GFPT1: variants seen among roughly 807,000 people sequenced by gnomAD.
GFPT1 encodes the protein glutamine--fructose-6-phosphate aminotransferase [isomerizing] 1.
Under a neutral mutation model 92.0 loss-of-function variants are expected in GFPT1, and 40 were observed. That is an observed-to-expected ratio of 0.43 (90% CI 0.34 to 0.57). The LOEUF is 0.57. Among genes scored for constraint, GFPT1 ranks in the 20% least tolerant of loss-of-function variants. The pLI, the probability that GFPT1 is intolerant of heterozygous loss-of-function variation, is 0.02. For synonymous variants in GFPT1, 269 were observed against 280.6 expected, an observed-to-expected ratio of 0.96 and a Z score of 0.41; for missense variants, 448 against 869.1, an observed-to-expected ratio of 0.52 and a Z score of 6.09.
chr2:69,384,448 T>G (rs1293326731), intron 1 of GFPT1, among the ~76,000 whole-genome samples: 1 of 151,858 alleles, frequency 6.6e-6, no homozygotes, highest in African/African-American at 2.4e-5. Context: ...CCGGGTAAGG[T>G]GGCTCACTCC....
At chr2:69,386,230 T>A (rs1672125054) in intron 1 of GFPT1, among the ~76,000 whole-genome samples, 1 of 152,238 alleles carries the variant, frequency 6.6e-6, no homozygotes, top group Non-Finnish European at 1.5e-5. Context: ...AAACATGGAA[T>A]AAAAGGGCCT....
At chr2:69,359,769 A>C (rs1273257370) in intron 4 of GFPT1, among the ~76,000 whole-genome samples, 1 of 152,232 alleles carries the variant, frequency 6.6e-6, no homozygotes, top group African/African-American at 2.4e-5. Flanking sequence ...CTAAAACAAT[A>C]ATCTGATTTA....
chr2:69,342,074 A>G lies in GFPT1; in HGVS notation c.1203+78T>C, dbSNP rs1319469420. 3.6e-5 allele frequency: 28 copies of G among 777,088 alleles called. No homozygotes were observed. The East Asian group carries it at 6.4e-4, about 18-fold the overall frequency. 48.1% of individuals were successfully genotyped at this position (777,088 alleles called of 1,614,324 possible). On this transcript the variant is annotated intron_variant, in intron 13 of 19. Transcript: ENST00000357308. The stretch of plus-strand genomic sequence containing the variant: ...ACATTAACAAAACATAGTTTTACAC[A>G]GTATGTTATTAGACTACTACTTGGT...
rs907993991 is a variant in GFPT1, at chr2:69,321,210, T to C, written c.*4979A>G. ...CCCCGTAAACTTCCTATAAACAATA[T>C]GTTATTGCAAAATGTTTTAAAAGAT... On this transcript the variant is annotated 3_prime_UTR_variant, in exon 20 of 20. Transcript: ENST00000357308. The C allele has an allele frequency of 6.6e-6, 1 of 152,212 alleles. No individual in the cohort carries two copies. The highest frequency in any genetic ancestry group is 1.5e-5 in the Non-Finnish European group (1 of 68,034). 9.4% of individuals were successfully genotyped at this position (152,212 alleles called of 1,614,324 possible).
chr2:69,362,102 C>A (rs371932392), intron 4 of GFPT1, among the ~76,000 whole-genome samples: 30 of 152,024 alleles, frequency 2.0e-4, no homozygotes, highest in African/African-American at 7.2e-4. Context: ...GTGAATGTTA[C>A]CTACGAGGGG....
chr2:69,344,804 C>T lies in GFPT1; in HGVS notation c.1105+1100G>A, dbSNP rs111476470. Among the ~76,000 whole-genome samples, 615 of 151,966 alleles carry T rather than the reference C, an allele frequency of 4.0e-3. 5 individuals are homozygous for T. The highest frequency in any genetic ancestry group is 0.014 in the African/African-American group (585 of 41,450). Reference sequence around the variant, plus strand: ...GGCTACAGGCACCCACCACCACACCCAGCTAATTTTTTAAAAATTTTTAGT... The same window carrying T: ...GGCTACAGGCACCCACCACCACACCTAGCTAATTTTTTAAAAATTTTTAGT... On this transcript the variant is annotated intron_variant, in intron 12 of 19. Transcript: ENST00000357308.
intron 1 of GFPT1, among the ~76,000 whole-genome samples, chr2:69,380,599 T>G (rs911417354): frequency 6.6e-6 from 1 of 152,094 alleles, no homozygotes; most frequent in South Asian, 2.1e-4. Flanking sequence ...TCATCTTTCT[T>G]GAGAAAAAAA....
Position 69,370,087 on chromosome 2 carries a change from T to A in GFPT1, c.137A>T (p.Asn46Ile). 1 of 1,609,064 alleles carries A rather than the reference T, an allele frequency of 6.2e-7. No homozygotes were observed. The highest frequency in any genetic ancestry group is 8.5e-7 in the Non-Finnish European group (1 of 1,175,408). ...DSAGVGFDGGNDKDWEANACK... is the reference protein window; with the variant it reads ...DSAGVGFDGGIDKDWEANACK... ...GGCATTGGCTTCCCAATCTTTATCA[T>A]TGCCTCCATCAAATCCCACACCTAA... The change falls in exon 3 of 20, where the codon AAT becomes ATT. Residue 46 changes from asparagine (N) to isoleucine (I), a missense_variant. Physicochemically the swap from Asn to Ile is moderately radical, Grantham distance 149. Coordinates refer to ENST00000357308, the MANE Select transcript of GFPT1 (RefSeq NM_001244710.2).
intron 4 of GFPT1, among the ~76,000 whole-genome samples, chr2:69,360,264 G>C (rs890084147): frequency 6.7e-6 from 1 of 149,750 alleles, no homozygotes; most frequent in African/African-American, 2.5e-5. Flanking sequence ...GGGAGGCAGA[G>C]GTTGCAGTGA....
In GFPT1 at chr2:69,358,730, T is replaced by C. The variant is rs1435428734; in HGVS notation, c.409-267A>G. Among the ~76,000 whole-genome samples, 3 of 152,262 alleles carry C rather than the reference T, an allele frequency of 2.0e-5. No individual in the cohort carries two copies. In the East Asian group the frequency reaches 5.8e-4, roughly 29 times the overall value. On this transcript the variant is annotated intron_variant, in intron 5 of 19. Transcript: ENST00000357308. The stretch of plus-strand genomic sequence containing the variant: ...TCAATTTAATTAAAATTAAATAAAA[T>C]TTAAAATTCAGTTCCTCAGTCATAC...
chr2:69,328,865 T>C (rs1470871880), intron 17 of GFPT1, among the ~76,000 whole-genome samples: 1 of 152,122 alleles, frequency 6.6e-6, no homozygotes, highest in Non-Finnish European at 1.5e-5. Flanking sequence ...CACATCCAGC[T>C]AATGTTTTTG....
intron 1 of GFPT1, among the ~76,000 whole-genome samples, chr2:69,384,653 C>CGCT (rs1331318045): frequency 9.8e-5 from 13 of 132,346 alleles, no homozygotes; most frequent in African/African-American, 3.8e-4. Context: ...AAGATCATGC[C>CGCT]GCTGCACTCC....
At chr2:69,374,439 G>A (rs765649511) in intron 1 of GFPT1, among the ~76,000 whole-genome samples, 8 of 151,686 alleles carry the variant, frequency 5.3e-5, no homozygotes, top group African/African-American at 1.7e-4. Flanking sequence ...TCAGCCTCCC[G>A]AGTAGCTGGG....
At chr2:69,376,951 T>C (rs367608041) in intron 1 of GFPT1, among the ~76,000 whole-genome samples, 33 of 152,308 alleles carry the variant, frequency 2.2e-4, no homozygotes, top group African/African-American at 7.5e-4. Flanking sequence ...GGCTCACGCC[T>C]GTAATCCCAG....
At chr2:69,361,545 T>C (rs576654295) in intron 4 of GFPT1, among the ~76,000 whole-genome samples, 126 of 151,562 alleles carry the variant, frequency 8.3e-4, no homozygotes, top group African/African-American at 3.0e-3. Context: ...CAAAACATAA[T>C]CTAGATGTAA....
At position 69,332,404 on chromosome 2, in the gene GFPT1, C is replaced by G. The variant is rs933300293; in HGVS notation, c.1483-2606G>C. Among the ~76,000 whole-genome samples the G allele has an allele frequency of 2.2e-4, 33 of 151,572 alleles. 1 individual carries two copies. The highest frequency in any genetic ancestry group is 1.8e-3 in the Admixed American group (27 of 15,200). On this transcript the variant is annotated intron_variant, in intron 15 of 19. Coordinates refer to ENST00000357308, the MANE Select transcript of GFPT1 (RefSeq NM_001244710.2). Reference sequence around the variant, plus strand: ...CTTGGCTCACTGCAACCTCAGCCTCCTGGGTTCGCGTGATTCTCCTGCTTC... The same window carrying G: ...CTTGGCTCACTGCAACCTCAGCCTCGTGGGTTCGCGTGATTCTCCTGCTTC...
intron 4 of GFPT1, among the ~76,000 whole-genome samples, chr2:69,361,660 A>C (rs1671474954): frequency 6.6e-6 from 1 of 152,126 alleles, no homozygotes; most frequent in African/African-American, 2.4e-5. Flanking sequence ...AAGAAGCCTA[A>C]ATAGGCAGCT....
In GFPT1 at chr2:69,363,679, T is replaced by C. The variant is rs1207347337; in HGVS notation, c.224-9A>G. On this transcript the variant is annotated splice_polypyrimidine_tract_variant and intron_variant, in intron 3 of 19. Transcript: ENST00000357308. Reference sequence around the variant, plus strand: ...ATCCATATCTTGTTGCTCTGAAGAATATGAAAAGAAAAATTTCAATATTAA... The same window carrying C: ...ATCCATATCTTGTTGCTCTGAAGAACATGAAAAGAAAAATTTCAATATTAA... The C allele has an allele frequency of 1.9e-6, 3 of 1,586,850 alleles. No individual in the cohort carries two copies. The highest frequency in any genetic ancestry group is 2.7e-5 in the African/African-American group (2 of 74,420).
In GFPT1 at chr2:69,327,079, G is replaced by C. The variant is rs760006760; in HGVS notation, c.1894-4C>G. ...CACAAATTACCACAGGCCGCCCCTA[G>C]GAAAGAAAATCACACACATACACAA... On this transcript the variant is annotated splice_region_variant and splice_polypyrimidine_tract_variant and intron_variant, in intron 18 of 19. Coordinates refer to ENST00000357308, the MANE Select transcript of GFPT1 (RefSeq NM_001244710.2). 1 of 1,613,756 alleles carries C rather than the reference G, an allele frequency of 6.2e-7. No individual in the cohort carries two copies. Among genetic ancestry groups the C allele is most frequent in the South Asian group, 1.1e-5 (1 of 91,046 alleles).
Sources: allele counts gnomAD v4.1 joint callset (sites outside exome capture counted in the v4.1 genomes callset), GRCh38; gene constraint gnomAD v4.1.1; transcripts MANE v1.5; gene names NCBI Gene and HGNC (gene_info 2026-07-23, HGNC 2026-07-21).